The following CDCP2 variants were observed in gnomAD, a reference collection of about 807,000 sequenced individuals.
The protein encoded by CDCP2 is CUB domain containing protein 2, also known as CUB domain-containing protein 2.
A neutral mutation model predicts 31.0 loss-of-function variants in CDCP2; 31 were observed. The observed-to-expected ratio is 1.00, with a 90% CI of 0.75 to 1.35. The LOEUF (loss-of-function observed/expected upper bound fraction) is 1.35. Ranked by LOEUF, CDCP2 falls within the 40% of genes most tolerant of loss-of-function variation. CDCP2 has a pLI of 0.00. For synonymous variants in CDCP2, 206 were observed against 207.9 expected (o/e 0.99, Z 0.08); for missense variants, 443 against 482.6 (o/e 0.92, Z 0.77).
chr1:54,142,167 A>T (rs1229731719), intron 2 of CDCP2: 1 of 152,254 alleles, frequency 6.6e-6, no homozygotes, highest in East Asian at 1.9e-4. Context: ...GATCCTGTGC[A>T]CTTGACCCTT....
chr1:54,149,274 A>G (rs1570072153), intron 1 of CDCP2, among the ~76,000 whole-genome samples: 1 of 151,774 alleles, frequency 6.6e-6, no homozygotes. Context: ...ACCATGATAA[A>G]GGTATTGAGG....
At chr1:54,152,200 A>T (rs550264685) in intron 1 of CDCP2, among the ~76,000 whole-genome samples, 37 of 152,184 alleles carry the variant, frequency 2.4e-4, no homozygotes, top group Middle Eastern at 3.2e-3. Context: ...GCGGTGGCTC[A>T]TGCCTGTAAT....
intron 5 of CDCP2, among the ~76,000 whole-genome samples, chr1:54,136,028 G>C (rs1659253982): frequency 1.3e-5 from 2 of 152,276 alleles, no homozygotes; most frequent in South Asian, 4.1e-4. Flanking sequence ...CTAAGTCTGG[G>C]TTCACGGCCT....
intron 3 of CDCP2, chr1:54,140,882 A>G: frequency 2.3e-6 from 1 of 440,384 alleles, no homozygotes; most frequent in Non-Finnish European, 4.1e-6. Context: ...AGGAGTTGAA[A>G]AAAGGATTAA....
intron 5 of CDCP2, among the ~76,000 whole-genome samples, chr1:54,133,992 G>C (rs1241799267): frequency 6.6e-6 from 1 of 152,082 alleles, no homozygotes; most frequent in Non-Finnish European, 1.5e-5. Context: ...CAGCATACAA[G>C]TGACAGAGCC....
chr1:54,149,528 G>C (rs1291063641), intron 1 of CDCP2, among the ~76,000 whole-genome samples: 1 of 152,150 alleles, frequency 6.6e-6, no homozygotes, highest in African/African-American at 2.4e-5. Flanking sequence ...ATAATTAAAA[G>C]TCAACAAAAT....
chr1:54,149,751 C>T (rs1659544829), intron 1 of CDCP2, among the ~76,000 whole-genome samples: 1 of 152,118 alleles, frequency 6.6e-6, no homozygotes, highest in African/African-American at 2.4e-5. Context: ...TGTGCCTCTC[C>T]CTACCGTATT....
chr1:54,146,181 AT>A (rs11314265), intron 1 of CDCP2, among the ~76,000 whole-genome samples: 72,730 of 145,304 alleles, frequency 0.5, 19,252 homozygotes, highest in Non-Finnish European at 0.61. Flanking sequence ...GGTAAGTATA[AT>A]TTTTTTTTTT....
At chr1:54,152,996 G>C, upstream of CDCP2, 1 of 1,416,284 alleles carries the variant, frequency 7.1e-7, no homozygotes, top group Non-Finnish European at 9.9e-7. Flanking sequence ...GCAAGGGAAA[G>C]AGAGGTGAGG....
At chr1:54,139,464 G>C in intron 4 of CDCP2, 1 of 1,377,088 alleles carries the variant, frequency 7.3e-7, no homozygotes, top group Non-Finnish European at 1.0e-6. Context: ...CAACACAAGA[G>C]GGGCCAGGGG....
intron 3 of CDCP2, chr1:54,140,533 G>A: frequency 4.0e-6 from 1 of 253,152 alleles, no homozygotes. Flanking sequence ...CCAGGCCTTT[G>A]CACATGCTGT....
chr1:54,144,607 G>C (rs765517859), exon 2 of CDCP2: 2 of 1,614,236 alleles, frequency 1.2e-6, no homozygotes, highest in African/African-American at 1.3e-5. Flanking sequence ...CCCTTGTCTG[G>C]TGAGGCCCCA....
At position 54,136,740 on chromosome 1, in the gene CDCP2, G is replaced by A. The variant is rs142832970; in HGVS notation, c.1186C>T (p.Pro396Ser). Reference sequence around the variant, plus strand: ...AGGTAGACCTTGGTCCGCTCCAGCGGGGCCAGCGCCTGCGTGGAGATCAGG... The same window carrying A: ...AGGTAGACCTTGGTCCGCTCCAGCGAGGCCAGCGCCTGCGTGGAGATCAGG... The change falls in exon 5 of 6, where the codon CCG (proline) becomes TCG (serine). Residue 396 changes from proline (P) to serine (S), a missense_variant. Physicochemically the swap from Pro to Ser is moderately conservative, Grantham distance 74. Transcript: ENST00000530059. The A allele has an allele frequency of 1.3e-3, 512 of 399,156 alleles. 1 individual carries two copies. Among genetic ancestry groups the A allele is most frequent in the African/African-American group, 9.4e-3 (459 of 48,758 alleles). 24.7% of individuals were successfully genotyped at this position (399,156 alleles called of 1,614,324 possible).
chr1:54,141,906 G>C (rs1659382358), intron 2 of CDCP2: 1 of 155,176 alleles, frequency 6.4e-6, no homozygotes, highest in Non-Finnish European at 1.4e-5. Flanking sequence ...ATACTTCAGA[G>C]TTCTGTCAAT....
At chr1:54,147,612 C>T (rs563321442) in intron 1 of CDCP2, among the ~76,000 whole-genome samples, 1 of 151,852 alleles carries the variant, frequency 6.6e-6, no homozygotes, top group Non-Finnish European at 1.5e-5. Flanking sequence ...GTTGATCTAC[C>T]CTCCTGGGCA....
chr1:54,146,538 A>G (rs1223982820), intron 1 of CDCP2, among the ~76,000 whole-genome samples: 1 of 151,868 alleles, frequency 6.6e-6, no homozygotes, highest in East Asian at 1.9e-4. Context: ...TTTGAATTGA[A>G]AGTATCAGTG....
intron 5 of CDCP2, among the ~76,000 whole-genome samples, chr1:54,135,228 T>C (rs1047343156): frequency 1.3e-5 from 2 of 152,054 alleles, no homozygotes; most frequent in Admixed American, 6.6e-5. Context: ...AGTGACAGAC[T>C]TGACAAAGAA....
chr1:54,140,159 T>A, intron 3 of CDCP2, 53 bp from the exon 4 acceptor site: 10 of 1,524,706 alleles, frequency 6.6e-6, no homozygotes, highest in Non-Finnish European at 8.2e-6. Flanking sequence ...AGAGGAGAAG[T>A]CACTCTCTGC....
At chr1:54,140,153 G>C in intron 3 of CDCP2, 47 bp from the exon 4 acceptor site, 1 of 1,563,558 alleles carries the variant, frequency 6.4e-7, no homozygotes, top group Non-Finnish European at 8.8e-7. Flanking sequence ...GAGGGGAGAG[G>C]AGAAGTCACT....
Sources: gnomAD v4.1 joint callset for allele counts (sites outside exome capture counted in the v4.1 genomes callset) on GRCh38, gnomAD v4.1.1 for gene constraint, MANE v1.5 for transcripts, NCBI Gene and HGNC (gene_info 2026-07-23, HGNC 2026-07-21) for gene names.